The following CDH13 variants were observed in gnomAD, a reference collection of about 807,000 sequenced individuals.
CDH13 encodes cadherin-13.
In CDH13, 24 loss-of-function variants were observed where a neutral mutation model predicts 63.8. The observed-to-expected ratio is 0.38, with a 90% confidence interval of 0.27 to 0.53. The LOEUF is 0.53. Among genes scored for constraint, CDH13 ranks in the 20% least tolerant of loss-of-function variants. The pLI, the probability that CDH13 is intolerant of heterozygous loss-of-function variation, is 0.85. For missense variants in CDH13, 1,049 were observed against 903.1 expected (o/e 1.16, Z -2.07); for synonymous variants, 503 against 355.3 (o/e 1.42, Z -4.67).
chr16:82,864,988 G>A (rs534265987), intron 2 of CDH13, among the ~76,000 whole-genome samples: 17 of 152,154 alleles, frequency 1.1e-4, no homozygotes, highest in Non-Finnish European at 2.2e-4. Context: ...CAGGCCCCAC[G>A]CAAGTCCAAA....
intron 10 of CDH13, among the ~76,000 whole-genome samples, chr16:83,722,477 G>A (rs984112744): frequency 2.6e-5 from 4 of 152,128 alleles, no homozygotes; most frequent in Non-Finnish European, 5.9e-5. Flanking sequence ...CTCGAAACTG[G>A]CCACATTGGA....
intron 5 of CDH13, among the ~76,000 whole-genome samples, chr16:83,252,105 T>TACACACACAC (rs1567539990): frequency 1.8e-4 from 1 of 5,490 alleles, no homozygotes; most frequent in South Asian, 6.8e-3. Context: ...ATATATATAT[T>TACACACACAC]ATACACACAC....
chr16:83,322,476 T>G (rs2090252282), intron 5 of CDH13, among the ~76,000 whole-genome samples: 1 of 152,218 alleles, frequency 6.6e-6, no homozygotes, highest in Non-Finnish European at 1.5e-5. Flanking sequence ...TCATTTGTCA[T>G]TCAACCAACA....
chr16:83,155,585 G>C (rs2037174613), intron 4 of CDH13, among the ~76,000 whole-genome samples: 1 of 150,214 alleles, frequency 6.7e-6, no homozygotes. Context: ...AGTCAAACAA[G>C]TTAAATGTGC....
chr16:83,625,172 A>ATG (rs373457043), intron 8 of CDH13, among the ~76,000 whole-genome samples: 6 of 149,978 alleles, frequency 4.0e-5, no homozygotes, highest in African/African-American at 7.4e-5. Flanking sequence ...GTGTGTGCTC[A>ATG]TGTGTGTGTG....
chr16:83,395,107 C>T (rs992600193), intron 6 of CDH13, among the ~76,000 whole-genome samples: 1 of 142,450 alleles, frequency 7.0e-6, no homozygotes, highest in Non-Finnish European at 1.5e-5. Context: ...AAGATCGTGC[C>T]ATTGCACTCC....
intron 8 of CDH13, among the ~76,000 whole-genome samples, chr16:83,668,552 C>T (rs369494814): frequency 5.9e-5 from 9 of 152,174 alleles, no homozygotes; most frequent in African/African-American, 1.4e-4. Context: ...ACCACAAGGA[C>T]GGGTTATGAG....
At chr16:83,256,571 C>T (rs893945921) in intron 5 of CDH13, among the ~76,000 whole-genome samples, 3 of 151,458 alleles carry the variant, frequency 2.0e-5, no homozygotes, top group Non-Finnish European at 2.9e-5. Flanking sequence ...GTGGCTCACG[C>T]CTGTAATCCC....
chr16:83,575,958 A>G (rs1905059321), intron 7 of CDH13, among the ~76,000 whole-genome samples: 1 of 152,222 alleles, frequency 6.6e-6, no homozygotes, highest in Non-Finnish European at 1.5e-5. Context: ...AAAATTAACC[A>G]CGTTAAAGTG....
intron 2 of CDH13, among the ~76,000 whole-genome samples, chr16:83,011,118 C>CT (rs756536858): frequency 2.8e-4 from 42 of 152,256 alleles, no homozygotes; most frequent in Admixed American, 2.0e-4. Context: ...GCTCAGTTTA[C>CT]TGAGTATGAG....
intron 5 of CDH13, among the ~76,000 whole-genome samples, chr16:83,333,397 C>T (rs531972910): frequency 3.9e-5 from 6 of 152,108 alleles, no homozygotes; most frequent in South Asian, 2.1e-4. Flanking sequence ...CCTTACGGAG[C>T]GGGGGTGGTC....
At chr16:83,754,877 A>C (rs530657788) in intron 11 of CDH13, among the ~76,000 whole-genome samples, 13 of 152,274 alleles carry the variant, frequency 8.5e-5, no homozygotes, top group Non-Finnish European at 1.5e-4. Flanking sequence ...TGACTAATAC[A>C]GGAGAGGGAA....
intron 5 of CDH13, among the ~76,000 whole-genome samples, chr16:83,228,342 C>T (rs2039903084): frequency 6.6e-6 from 1 of 152,176 alleles, no homozygotes. Context: ...TGGCGTTGGC[C>T]ACTCAGAGGG....
chr16:83,791,003 C>G (rs1044579444), intron 13 of CDH13, among the ~76,000 whole-genome samples: 1 of 152,052 alleles, frequency 6.6e-6, no homozygotes, highest in African/African-American at 2.4e-5. Context: ...TAGACAAACT[C>G]AGACACAATA....
At chr16:83,101,527 T>C (rs1160838860) in intron 3 of CDH13, among the ~76,000 whole-genome samples, 1 of 151,794 alleles carries the variant, frequency 6.6e-6, no homozygotes, top group Non-Finnish European at 1.5e-5. Context: ...GCGTGGTGGC[T>C]AATGCCTCTA....
chr16:83,056,441 A>G (rs1020068406), intron 3 of CDH13, among the ~76,000 whole-genome samples: 19 of 152,124 alleles, frequency 1.2e-4, no homozygotes, highest in African/African-American at 2.9e-4. Flanking sequence ...CACATATATC[A>G]TATGTATATA....
rs149166407 is a variant in CDH13, at chr16:83,697,650, G to A, written c.1538+19189G>A. On this transcript the variant is annotated intron_variant, in intron 10 of 13. Coordinates refer to ENST00000567109, the MANE Select transcript of CDH13 (RefSeq NM_001257.5). ...GGAAACCTAACCGTGTATTCTTCCC[G>A]AGAGCAATGGTTTTTGAGACAGAGT... Among the ~76,000 whole-genome samples the A allele has an allele frequency of 1.7e-3, 260 of 152,250 alleles. 6 individuals are homozygous for A. In the East Asian group the frequency reaches 0.042, roughly 25 times the overall value.
intron 5 of CDH13, among the ~76,000 whole-genome samples, chr16:83,223,647 C>A (rs1042596618): frequency 8.5e-5 from 13 of 152,196 alleles, no homozygotes; most frequent in Non-Finnish European, 1.8e-4. Flanking sequence ...TGGCCTCCCG[C>A]CACTCACTTC....
intron 4 of CDH13, among the ~76,000 whole-genome samples, chr16:83,213,468 G>C (rs1567511202): frequency 6.6e-6 from 1 of 152,022 alleles, no homozygotes; most frequent in Non-Finnish European, 1.5e-5. Flanking sequence ...AACTTTTTCT[G>C]AGCAGAGAAG....
Sources: gnomAD v4.1 joint callset for allele counts (sites outside exome capture counted in the v4.1 genomes callset) on GRCh38, gnomAD v4.1.1 for gene constraint, MANE v1.5 for transcripts, NCBI Gene and HGNC (gene_info 2026-07-23, HGNC 2026-07-21) for gene names.